Variants in SPOCK1 observed in about 807,000 individuals in gnomAD.
The protein encoded by SPOCK1 is testican-1.
A neutral mutation model predicts 55.3 loss-of-function variants in SPOCK1; 23 were observed. That is an observed-to-expected ratio of 0.42 (90% CI 0.30 to 0.59). The LOEUF is 0.59. SPOCK1 is among the 20% of genes least tolerant of loss of function. The pLI, the probability that SPOCK1 is intolerant of heterozygous loss-of-function variation, is 0.22. For missense variants in SPOCK1, 499 were observed against 552.5 expected, an observed-to-expected ratio of 0.90 and a Z score of 0.97; for synonymous variants, 226 against 221.0, an observed-to-expected ratio of 1.02 and a Z score of -0.20.
intron 3 of SPOCK1, among the ~76,000 whole-genome samples, chr5:137,209,478 G>T (rs911110640): frequency 1.3e-4 from 20 of 152,204 alleles, no homozygotes; most frequent in African/African-American, 4.8e-4. Context: ...AAAGTTGGAA[G>T]CAGGCAGCAT....
At chr5:137,437,933 C>T (rs1180617757) in intron 2 of SPOCK1, among the ~76,000 whole-genome samples, 2 of 152,180 alleles carry the variant, frequency 1.3e-5, no homozygotes, top group Non-Finnish European at 2.9e-5. Context: ...CCACCCAGTT[C>T]CTGGCAACTG....
At chr5:137,033,967 A>G (rs914400407) in intron 6 of SPOCK1, among the ~76,000 whole-genome samples, 3 of 152,202 alleles carry the variant, frequency 2.0e-5, no homozygotes, top group African/African-American at 7.2e-5. Context: ...TAGTATCATC[A>G]CAGTCCATGT....
Position 137,160,571 on chromosome 5 carries a change from T to A in SPOCK1, c.233-19877A>T, listed in dbSNP as rs951126717. On this transcript the variant is annotated intron_variant, in intron 3 of 10. Transcript: ENST00000394945. The stretch of plus-strand genomic sequence containing the variant: ...TATAATATATATTATATATTATATA[T>A]TATATAATATATATAATATATAATA... Among the ~76,000 whole-genome samples the A allele has an allele frequency of 5.3e-3, 287 of 53,858 alleles. 10 individuals are homozygous for A. The highest frequency in any genetic ancestry group is 0.018 in the African/African-American group (249 of 13,486). 35.3% of individuals were successfully genotyped at this position (53,858 alleles called of 152,430 possible).
intron 3 of SPOCK1, among the ~76,000 whole-genome samples, chr5:137,227,345 T>G (rs566420894): frequency 6.6e-6 from 1 of 152,328 alleles, no homozygotes; most frequent in East Asian, 1.9e-4. Context: ...TTTGAGGTAC[T>G]ACGTTCTAGG....
chr5:137,370,797 A>G (rs2127170634), intron 2 of SPOCK1, among the ~76,000 whole-genome samples: 1 of 152,360 alleles, frequency 6.6e-6, no homozygotes, highest in African/African-American at 2.4e-5. Context: ...GCCTCCTTTA[A>G]GCAGCGTTGG....
At chr5:137,294,907 T>G (rs1757448971) in intron 2 of SPOCK1, among the ~76,000 whole-genome samples, 1 of 152,258 alleles carries the variant, frequency 6.6e-6, no homozygotes, top group South Asian at 2.1e-4. Flanking sequence ...CCTTTACAAA[T>G]GAATCCTTCC....
chr5:137,054,467 T>C (rs764027923), intron 6 of SPOCK1, among the ~76,000 whole-genome samples: 1 of 152,212 alleles, frequency 6.6e-6, no homozygotes, highest in Non-Finnish European at 1.5e-5. Context: ...GGAGTCTTCC[T>C]GTACAAGACA....
At chr5:137,413,838 T>C (rs1158011687) in intron 2 of SPOCK1, among the ~76,000 whole-genome samples, 1 of 152,164 alleles carries the variant, frequency 6.6e-6, no homozygotes, top group Non-Finnish European at 1.5e-5. Context: ...CCTGTTCCCA[T>C]CAACAACTAG....
chr5:137,024,259 G>T (rs1270391043), intron 6 of SPOCK1, among the ~76,000 whole-genome samples: 3 of 140,188 alleles, frequency 2.1e-5, no homozygotes, highest in African/African-American at 7.8e-5. Flanking sequence ...ATTATGTTCG[G>T]CTGCTGATCT....
intron 2 of SPOCK1, among the ~76,000 whole-genome samples, chr5:137,409,821 T>C (rs1752173652): frequency 6.6e-6 from 1 of 152,254 alleles, no homozygotes; most frequent in South Asian, 2.1e-4. Flanking sequence ...ACAGCTATTA[T>C]ATGCTAGGCT....
chr5:137,167,241 TA>T (rs1754664987), intron 3 of SPOCK1, among the ~76,000 whole-genome samples: 1 of 152,040 alleles, frequency 6.6e-6, no homozygotes, highest in African/African-American at 2.4e-5. Flanking sequence ...TATATAATGT[TA>T]AAAGGGTCAA....
At chr5:137,243,683 T>C (rs531892539) in intron 3 of SPOCK1, among the ~76,000 whole-genome samples, 19 of 152,344 alleles carry the variant, frequency 1.2e-4, no homozygotes, top group African/African-American at 4.1e-4. Context: ...TTTAAGACAC[T>C]GATGGTGCTG....
At chr5:137,034,541 T>C (rs1265577330) in intron 6 of SPOCK1, among the ~76,000 whole-genome samples, 1 of 152,204 alleles carries the variant, frequency 6.6e-6, no homozygotes, top group Non-Finnish European at 1.5e-5. Flanking sequence ...ATATAAAATA[T>C]TTCACAGACA....
intron 3 of SPOCK1, among the ~76,000 whole-genome samples, chr5:137,249,454 A>G (rs1207374016): frequency 6.6e-6 from 1 of 152,212 alleles, no homozygotes; most frequent in Non-Finnish European, 1.5e-5. Flanking sequence ...TTTATGGAGC[A>G]CTAAGATGTA....
In SPOCK1 at chr5:136,978,198, G is replaced by GTT. The variant is rs141489819; in HGVS notation, c.*454_*455dup. The GTT allele has an allele frequency of 1.1e-5, 4 of 349,626 alleles. No individual in the cohort carries two copies. Among genetic ancestry groups the GTT allele is most frequent in the African/African-American group, 8.4e-5 (4 of 47,700 alleles). 21.7% of individuals were successfully genotyped at this position (349,626 alleles called of 1,614,324 possible). A position where few individuals can be genotyped will look rare whatever the true frequency, so the allele number is the denominator to read the frequency against. On this transcript the variant is annotated 3_prime_UTR_variant, in exon 11 of 11. Transcript: ENST00000394945. ...AAAAGTACAGTGTGGTGTATTTTTTGTTTTTTTCTTTTTCACAACATCTAC... is the reference window on the plus strand; with the variant it reads ...AAAAGTACAGTGTGGTGTATTTTTTGTTTTTTTTTCTTTTTCACAACATCTAC...
intron 6 of SPOCK1, among the ~76,000 whole-genome samples, chr5:137,015,420 A>AG (rs1386645360): frequency 6.6e-6 from 1 of 152,222 alleles, no homozygotes; most frequent in African/African-American, 2.4e-5. Context: ...ACTGCACTCT[A>AG]GCCTGGACGA....
Position 137,089,252 on chromosome 5 carries a change from C to T in SPOCK1, c.475-21423G>A, listed in dbSNP as rs534418305. Reference sequence around the variant, plus strand: ...TGAATTAAACTGAAACAAAACAAAACGACAACAACAACAAAACTTCAGAAG... The same window carrying T: ...TGAATTAAACTGAAACAAAACAAAATGACAACAACAACAAAACTTCAGAAG... On this transcript the variant is annotated intron_variant, in intron 5 of 10. Transcript: ENST00000394945. Among the ~76,000 whole-genome samples, 491 of 152,284 alleles carry T rather than the reference C, an allele frequency of 3.2e-3. 4 individuals carry two copies. The highest frequency in any genetic ancestry group is 0.011 in the African/African-American group (439 of 41,558).
At chr5:137,113,925 C>T (rs947390020) in intron 4 of SPOCK1, among the ~76,000 whole-genome samples, 1 of 152,158 alleles carries the variant, frequency 6.6e-6, no homozygotes. Context: ...GGGTAACCTA[C>T]CCTCTTCCAA....
intron 2 of SPOCK1, among the ~76,000 whole-genome samples, chr5:137,268,541 C>G (rs1028975979): frequency 2.0e-5 from 3 of 152,142 alleles, no homozygotes; most frequent in Admixed American, 2.0e-4. Flanking sequence ...GTCAGAAACT[C>G]GGCAGCCACT....
Sources: allele counts gnomAD v4.1 joint callset (sites outside exome capture counted in the v4.1 genomes callset), GRCh38; gene constraint gnomAD v4.1.1; transcripts MANE v1.5; gene names NCBI Gene and HGNC (gene_info 2026-07-23, HGNC 2026-07-21).